RELN: variants seen among roughly 807,000 people sequenced by gnomAD.
RELN encodes the protein reelin.
Under a neutral mutation model 427.6 loss-of-function variants are expected in RELN, and 108 were observed. That is an observed-to-expected ratio of 0.25 (90% CI 0.22 to 0.30). The LOEUF is 0.30. Ranked by LOEUF, RELN falls within the 10% of genes least tolerant of loss-of-function variation. The pLI is 1.00. For synonymous variants in RELN, 1,524 were observed against 1,513.4 expected (o/e 1.01, Z -0.16); for missense variants, 3,715 against 4,302.8 (o/e 0.86, Z 3.82).
intron 2 of RELN, among the ~76,000 whole-genome samples, chr7:103,876,778 CTCT>C (rs887543216): frequency 4.1e-5 from 6 of 146,678 alleles, no homozygotes; most frequent in Non-Finnish European, 7.5e-5. Flanking sequence ...AAAATGTCTG[CTCT>C]TTTTTTTAAA....
chr7:103,917,505 A>C (rs1795511900), intron 1 of RELN, among the ~76,000 whole-genome samples: 1 of 151,946 alleles, frequency 6.6e-6, no homozygotes, highest in African/African-American at 2.4e-5. Flanking sequence ...ACCACCCCTG[A>C]AGGCAGTCAA....
chr7:103,715,010 T>TCC (rs975278896), intron 8 of RELN, among the ~76,000 whole-genome samples: 13 of 152,202 alleles, frequency 8.5e-5, no homozygotes, highest in Non-Finnish European at 1.6e-4. Context: ...AATGAATATG[T>TCC]CCAAAGTTTT....
Position 103,661,504 on chromosome 7 carries a change from A to G in RELN, c.1313T>C (p.Ile438Thr), listed in dbSNP as rs1463687606. 1.2e-6 allele frequency: 2 copies of G among 1,613,768 alleles called. No individual in the cohort carries two copies. Among genetic ancestry groups the G allele is most frequent in the Non-Finnish European group, 1.7e-6 (2 of 1,179,862 alleles). Reference protein sequence around the residue: ...PTGWDVLGAVIGTECGTIESG... With the variant: ...PTGWDVLGAVTGTECGTIESG... ...TTCTATCGTTCCACATTCTGTACCA[A>G]TGACAGCTCCCAAGACATCCCATCT... Residue 438 changes from isoleucine to threonine, a missense_variant, in exon 12 of 65, where the codon ATT (isoleucine) becomes ACT (threonine). Ile to Thr is a moderately conservative substitution (Grantham distance 89). Transcript: ENST00000428762.
At chr7:103,775,745 A>G (rs1389412500) in intron 4 of RELN, among the ~76,000 whole-genome samples, 1 of 152,230 alleles carries the variant, frequency 6.6e-6, no homozygotes, top group Non-Finnish European at 1.5e-5. Context: ...ATGTACAGCT[A>G]AGACAAACTT....
intron 10 of RELN, among the ~76,000 whole-genome samples, chr7:103,682,626 A>G (rs1005158957): frequency 6.6e-6 from 1 of 152,208 alleles, no homozygotes; most frequent in Non-Finnish European, 1.5e-5. Context: ...GTTATCGGCT[A>G]AATAGCATTG....
At chr7:103,476,355 C>G (rs552475986) in intron 64 of RELN, among the ~76,000 whole-genome samples, 2 of 152,176 alleles carry the variant, frequency 1.3e-5, no homozygotes, top group East Asian at 3.9e-4. Flanking sequence ...TGGTACGCGC[C>G]TGTAGTCCCA....
intron 20 of RELN, among the ~76,000 whole-genome samples, chr7:103,622,630 C>T (rs970276671): frequency 6.6e-6 from 1 of 152,118 alleles, no homozygotes; most frequent in African/African-American, 2.4e-5. Flanking sequence ...GTTCCCTCTG[C>T]CTGCAAAGCT....
chr7:103,892,370 T>C (rs1022020933), intron 2 of RELN, among the ~76,000 whole-genome samples: 1 of 152,140 alleles, frequency 6.6e-6, no homozygotes, highest in African/African-American at 2.4e-5. Flanking sequence ...CACACACATG[T>C]GACAGCACCC....
rs1413063880 is a variant in RELN at position 103,685,905 on chromosome 7, T to C, written c.1144-3644A>G. On this transcript the variant is annotated intron_variant, in intron 10 of 64. Transcript: ENST00000428762. ...AATATAACAAGTCCTTGGCCACAACTCAGGATAGCAGTTTTCTAAGGTTGC... is the reference window on the plus strand; with the variant it reads ...AATATAACAAGTCCTTGGCCACAACCCAGGATAGCAGTTTTCTAAGGTTGC... Among the ~76,000 whole-genome samples the C allele has an allele frequency of 3.3e-5, 5 of 152,244 alleles. No homozygotes were observed. In the East Asian group the frequency reaches 9.7e-4, roughly 29 times the overall value.
chr7:103,601,707 A>C (rs2117265755), intron 24 of RELN, among the ~76,000 whole-genome samples: 1 of 152,260 alleles, frequency 6.6e-6, no homozygotes, highest in East Asian at 1.9e-4. Flanking sequence ...CTATATAAGG[A>C]GACAGATTGG....
At chr7:103,616,659 C>T (rs1017525994) in intron 20 of RELN, among the ~76,000 whole-genome samples, 2 of 151,980 alleles carry the variant, frequency 1.3e-5, no homozygotes, top group African/African-American at 4.8e-5. Context: ...CTCATGTGTA[C>T]ACACACATAC....
At chr7:103,963,154 G>A (rs1243371918) in intron 1 of RELN, among the ~76,000 whole-genome samples, 1 of 70,646 alleles carries the variant, frequency 1.4e-5, no homozygotes, top group Non-Finnish European at 2.8e-5. Context: ...TCTCATTGGC[G>A]CTTTCTACTC....
intron 1 of RELN, among the ~76,000 whole-genome samples, chr7:103,930,994 C>T (rs948508183): frequency 6.6e-6 from 1 of 151,778 alleles, no homozygotes; most frequent in African/African-American, 2.4e-5. Context: ...TAACAAGTTA[C>T]AGTATATAAT....
At chr7:103,584,973 G>C (rs942188606) in intron 28 of RELN, among the ~76,000 whole-genome samples, 27 of 151,868 alleles carry the variant, frequency 1.8e-4, no homozygotes, top group African/African-American at 5.3e-4. Context: ...CTTTGAGTAA[G>C]TGATGAAATT....
intron 1 of RELN, among the ~76,000 whole-genome samples, chr7:103,987,064 G>C (rs982975351): frequency 1.5e-5 from 1 of 68,198 alleles, no homozygotes; most frequent in Non-Finnish European, 2.4e-5. Context: ...TCTACCTGTA[G>C]AACATTTTAC....
At chr7:103,615,316 G>A (rs907162624) in intron 20 of RELN, among the ~76,000 whole-genome samples, 1 of 152,190 alleles carries the variant, frequency 6.6e-6, no homozygotes, top group Non-Finnish European at 1.5e-5. Flanking sequence ...TAAGAGCTTA[G>A]TAGAATTTGA....
At chr7:103,811,402 A>G (rs1176536501) in intron 3 of RELN, among the ~76,000 whole-genome samples, 1 of 152,204 alleles carries the variant, frequency 6.6e-6, no homozygotes, top group African/African-American at 2.4e-5. Context: ...TCACACCCAC[A>G]TGAGAGATTG....
intron 45 of RELN, among the ~76,000 whole-genome samples, chr7:103,537,811 T>C: frequency 6.6e-6 from 1 of 152,328 alleles, no homozygotes; most frequent in East Asian, 1.9e-4. Context: ...GCTTACAGCC[T>C]AGTTTGGGGG....
At chr7:103,678,373 A>G (rs1584400742) in intron 11 of RELN, among the ~76,000 whole-genome samples, 1 of 152,196 alleles carries the variant, frequency 6.6e-6, no homozygotes, top group Non-Finnish European at 1.5e-5. Context: ...TTATCAGTGT[A>G]TCTATTAAAG....
Sources: gnomAD v4.1 joint callset for allele counts (sites outside exome capture counted in the v4.1 genomes callset) on GRCh38, gnomAD v4.1.1 for gene constraint, MANE v1.5 for transcripts, NCBI Gene and HGNC (gene_info 2026-07-23, HGNC 2026-07-21) for gene names.